METTL15: variants seen among roughly 807,000 people sequenced by gnomAD.
METTL15 encodes methyltransferase 15, mitochondrial 12S rRNA N4-cytidine, also known as 12S rRNA N(4)-cytidine methyltransferase METTL15.
In METTL15, 34 loss-of-function variants were observed where a neutral mutation model predicts 38.3. The ratio of observed to expected loss-of-function variants is 0.89; its 90% CI spans 0.68 to 1.18. METTL15 has a LOEUF of 1.18. METTL15 is among the 50% of genes most tolerant of loss of function. The pLI is 0.00. For synonymous variants in METTL15, 162 were observed against 170.9 expected (o/e 0.95, Z 0.41); for missense variants, 438 against 498.4 (o/e 0.88, Z 1.15).
chr11:28,384,053 A>C (rs181814383), intron 5 of METTL15, among the ~76,000 whole-genome samples: 1 of 152,222 alleles, frequency 6.6e-6, no homozygotes, highest in East Asian at 1.9e-4. Context: ...AAGTGAGAAC[A>C]TGTGTTATTT....
chr11:28,332,862 T>G lies in METTL15; in HGVS notation c.*2021T>G, dbSNP rs1363177514. ...CAGGAGTCTGAGGCACAAGAATCACTCGAACCTGGGAGGTGGAGGTTGCGA... is the reference window on the plus strand; with the variant it reads ...CAGGAGTCTGAGGCACAAGAATCACGCGAACCTGGGAGGTGGAGGTTGCGA... On this transcript the variant is annotated 3_prime_UTR_variant, in exon 7 of 7. Coordinates refer to ENST00000407364, the MANE Select transcript of METTL15 (RefSeq NM_001113528.2). The G allele has an allele frequency of 6.7e-6, 1 of 149,758 alleles. No homozygotes were observed. The highest frequency in any genetic ancestry group is 6.7e-5 in the Admixed American group (1 of 14,944). The allele number at this position is 149,758 out of a possible 1,614,324, so 9.3% of individuals were successfully genotyped here.
At chr11:28,252,014 T>C (rs1243615271) in intron 4 of METTL15, among the ~76,000 whole-genome samples, 1 of 152,150 alleles carries the variant, frequency 6.6e-6, no homozygotes, top group Non-Finnish European at 1.5e-5. Context: ...GAAAACCCTG[T>C]AATTGTACTG....
chr11:28,109,114 T>G (rs1332317673), intron 1 of METTL15, among the ~76,000 whole-genome samples: 1 of 152,212 alleles, frequency 6.6e-6, no homozygotes, highest in Non-Finnish European at 1.5e-5. Context: ...GGATGACTCA[T>G]ACCCATGCAG....
chr11:28,451,165 G>A (rs1465001763), intron 6 of METTL15, among the ~76,000 whole-genome samples: 2 of 152,158 alleles, frequency 1.3e-5, no homozygotes, highest in Non-Finnish European at 2.9e-5. Context: ...AAAACTTACG[G>A]GAAGAGCGGA....
intron 3 of METTL15, among the ~76,000 whole-genome samples, chr11:28,209,210 G>A (rs1173715535): frequency 6.6e-6 from 1 of 151,910 alleles, no homozygotes; most frequent in Non-Finnish European, 1.5e-5. Flanking sequence ...AAGGGTAATT[G>A]TATCTAAATT....
intron 6 of METTL15, among the ~76,000 whole-genome samples, chr11:28,498,438 G>A (rs1016343072): frequency 3.9e-5 from 6 of 152,144 alleles, no homozygotes; most frequent in South Asian, 2.1e-4. Context: ...GATTACAGGC[G>A]TGAGCCACCG....
chr11:28,223,326 A>G (rs1200601880), intron 4 of METTL15, among the ~76,000 whole-genome samples: 1 of 152,160 alleles, frequency 6.6e-6, no homozygotes, highest in Non-Finnish European at 1.5e-5. Context: ...AGAGTTATAT[A>G]TAATTTATTA....
At chr11:28,200,973 C>G (rs1184489458) in intron 3 of METTL15, among the ~76,000 whole-genome samples, 1 of 152,078 alleles carries the variant, frequency 6.6e-6, no homozygotes, top group Non-Finnish European at 1.5e-5. Flanking sequence ...GCATCCTTAT[C>G]TTGTTGTCTT....
chr11:28,441,251 A>T (rs1457774483), intron 6 of METTL15, among the ~76,000 whole-genome samples: 1 of 151,304 alleles, frequency 6.6e-6, no homozygotes, highest in Non-Finnish European at 1.5e-5. Context: ...TAATTTTTGT[A>T]TTTTTTTAGT....
chr11:28,328,990 TTTG>T (rs1381575861), intron 6 of METTL15, among the ~76,000 whole-genome samples: 6 of 152,108 alleles, frequency 3.9e-5, no homozygotes, highest in African/African-American at 1.4e-4. Flanking sequence ...AATTTTTTCT[TTTG>T]TTGTTCACAA....
chr11:28,451,866 G>A (rs1851125787), intron 6 of METTL15, among the ~76,000 whole-genome samples: 1 of 152,322 alleles, frequency 6.6e-6, no homozygotes, highest in African/African-American at 2.4e-5. Flanking sequence ...TGCAGTGATA[G>A]AAGGTAGCCC....
At chr11:28,230,186 G>T (rs1381713811) in intron 4 of METTL15, among the ~76,000 whole-genome samples, 1 of 151,718 alleles carries the variant, frequency 6.6e-6, no homozygotes, top group Non-Finnish European at 1.5e-5. Context: ...CAGAATCTGT[G>T]TTTATTTTAA....
At chr11:28,370,426 T>C (rs1850231406) in intron 5 of METTL15, among the ~76,000 whole-genome samples, 1 of 152,044 alleles carries the variant, frequency 6.6e-6, no homozygotes, top group Non-Finnish European at 1.5e-5. Flanking sequence ...TTCCATGATG[T>C]CTACATATCA....
intron 4 of METTL15, among the ~76,000 whole-genome samples, chr11:28,221,942 G>A (rs758672320): frequency 6.6e-6 from 1 of 152,298 alleles, no homozygotes; most frequent in Non-Finnish European, 1.5e-5. Context: ...ACCTGGCCGT[G>A]TGAGGTGTTA....
intron 6 of METTL15, among the ~76,000 whole-genome samples, chr11:28,304,164 A>G (rs1033690902): frequency 1.3e-5 from 2 of 152,250 alleles, no homozygotes; most frequent in Non-Finnish European, 2.9e-5. Context: ...TCCATTTCCA[A>G]TTCTATTTTC....
chr11:28,195,784 TAG>T (rs2133811164), intron 3 of METTL15, among the ~76,000 whole-genome samples: 1 of 152,228 alleles, frequency 6.6e-6, no homozygotes, highest in South Asian at 2.1e-4. Flanking sequence ...ATTCTTTGCC[TAG>T]GCTGATGTCC....
At chr11:28,430,362 C>T (rs1215259829) in intron 6 of METTL15, among the ~76,000 whole-genome samples, 8 of 1,372 alleles carry the variant, frequency 5.8e-3, no homozygotes, top group East Asian at 0.026. Context: ...CCGTGCCATC[C>T]GGGAGGAGGT....
intron 5 of METTL15, among the ~76,000 whole-genome samples, chr11:28,373,155 C>G (rs1850264898): frequency 6.6e-6 from 1 of 152,130 alleles, no homozygotes; most frequent in African/African-American, 2.4e-5. Flanking sequence ...ATGGCTGGGT[C>G]AAATGGTACT....
chr11:28,335,587 T>C (rs748149526), downstream of METTL15, among the ~76,000 whole-genome samples: 1 of 152,190 alleles, frequency 6.6e-6, no homozygotes, highest in African/African-American at 2.4e-5. Flanking sequence ...TTAGAGGTGG[T>C]ACCTAATAAA....
Sources: allele counts gnomAD v4.1 joint callset (sites outside exome capture counted in the v4.1 genomes callset), GRCh38; gene constraint gnomAD v4.1.1; transcripts MANE v1.5; gene names NCBI Gene and HGNC (gene_info 2026-07-23, HGNC 2026-07-21).